Variants in MAST2 observed in about 807,000 individuals in gnomAD.
MAST2 encodes microtubule associated serine/threonine kinase 2.
A neutral mutation model predicts 147.4 loss-of-function variants in MAST2; 70 were observed. The ratio of observed to expected loss-of-function variants is 0.47; its 90% CI spans 0.39 to 0.58. MAST2 has a LOEUF of 0.58. MAST2 is among the 20% of genes least tolerant of loss of function. MAST2 has a pLI of 0.00. For synonymous variants in MAST2, 869 were observed against 896.8 expected, an observed-to-expected ratio of 0.97 and a Z score of 0.55; for missense variants, 2,080 against 2,302.3, an observed-to-expected ratio of 0.90 and a Z score of 1.98.
At chr1:45,850,856 T>A (rs964804235) in intron 3 of MAST2, among the ~76,000 whole-genome samples, 4 of 132,168 alleles carry the variant, frequency 3.0e-5, no homozygotes, top group Admixed American at 2.3e-4. Flanking sequence ...TTTTTTTTTT[T>A]AAACACTGTA....
At chr1:45,945,414 A>AT (rs1557945390) in intron 4 of MAST2, among the ~76,000 whole-genome samples, 1 of 152,266 alleles carries the variant, frequency 6.6e-6, no homozygotes, top group Non-Finnish European at 1.5e-5. Flanking sequence ...AACAACAACC[A>AT]TAAAAATGAC....
At chr1:45,912,483 G>A (rs1651832014) in intron 4 of MAST2, among the ~76,000 whole-genome samples, 2 of 152,150 alleles carry the variant, frequency 1.3e-5, no homozygotes, top group Non-Finnish European at 2.9e-5. Flanking sequence ...TTTAGAAAAT[G>A]TTGATCCTGA....
chr1:46,016,543 A>ATT (rs1305397655), intron 10 of MAST2, among the ~76,000 whole-genome samples: 2 of 152,184 alleles, frequency 1.3e-5, no homozygotes, highest in African/African-American at 4.8e-5. Flanking sequence ...AATAACAGAC[A>ATT]AACAGCCAAA....
At chr1:45,962,845 A>G (rs545332467) in intron 5 of MAST2, among the ~76,000 whole-genome samples, 10 of 152,192 alleles carry the variant, frequency 6.6e-5, no homozygotes, top group African/African-American at 2.2e-4. Context: ...GCTCATGCCT[A>G]TGTCCTGAAT....
intron 7 of MAST2, among the ~76,000 whole-genome samples, chr1:46,003,630 G>T (rs1180863138): frequency 6.6e-6 from 1 of 152,052 alleles, no homozygotes; most frequent in Non-Finnish European, 1.5e-5. Context: ...CCACCACCCT[G>T]TAGCAGGCTA....
intron 3 of MAST2, among the ~76,000 whole-genome samples, chr1:45,830,021 A>G (rs1557812496): frequency 6.7e-6 from 1 of 149,446 alleles, no homozygotes; most frequent in Non-Finnish European, 1.5e-5. Context: ...CCCCTGGCTA[A>G]TTTTTTTGTA....
At chr1:45,966,096 A>C (rs1661153728) in intron 5 of MAST2, among the ~76,000 whole-genome samples, 1 of 152,160 alleles carries the variant, frequency 6.6e-6, no homozygotes, top group African/African-American at 2.4e-5. Flanking sequence ...CTTTTCCAGA[A>C]TGTCATATAG....
chr1:45,988,730 T>C (rs1644746315), intron 5 of MAST2, among the ~76,000 whole-genome samples: 1 of 152,234 alleles, frequency 6.6e-6, no homozygotes, highest in Admixed American at 6.5e-5. Context: ...ATTAATACTT[T>C]AGTTTTTTTG....
chr1:46,002,934 C>G (rs369818781), intron 7 of MAST2, 51 bp downstream of exon 7: 12 of 1,549,356 alleles, frequency 7.7e-6, no homozygotes, highest in Non-Finnish European at 1.1e-5. Context: ...GGAAGTACTT[C>G]CCTTTGGGTT....
chr1:45,885,421 C>T (rs564218820), intron 4 of MAST2, among the ~76,000 whole-genome samples: 5 of 152,272 alleles, frequency 3.3e-5, no homozygotes, highest in East Asian at 1.9e-4. Flanking sequence ...GTGCTTTTCA[C>T]GTAATATGTT....
intron 4 of MAST2, among the ~76,000 whole-genome samples, chr1:45,917,842 A>G (rs1009701115): frequency 6.6e-6 from 1 of 152,222 alleles, no homozygotes; most frequent in Non-Finnish European, 1.5e-5. Context: ...CTTAGGAGGT[A>G]AAAAAGTTCA....
At chr1:46,006,578 T>A (rs1448474180) in intron 8 of MAST2, 183 bp downstream of exon 8, 2 of 429,290 alleles carry the variant, frequency 4.7e-6, no homozygotes, top group African/African-American at 2.0e-5. Context: ...CCACAAATAA[T>A]ATATAAACTT....
intron 4 of MAST2, among the ~76,000 whole-genome samples, chr1:45,927,565 C>A (rs1654590372): frequency 6.6e-6 from 1 of 152,150 alleles, no homozygotes; most frequent in African/African-American, 2.4e-5. Flanking sequence ...TCTGTTCTGC[C>A]TGACTCACCG....
Position 45,975,474 on chromosome 1 carries a change from T to C in MAST2, c.592+15997T>C, listed in dbSNP as rs188573325. Reference sequence around the variant, plus strand: ...AGGAGTTTGAGACTAGCCTAGGCAATATAGTGAGTCCCTGTCTCTCCAAAA... The same window carrying C: ...AGGAGTTTGAGACTAGCCTAGGCAACATAGTGAGTCCCTGTCTCTCCAAAA... On this transcript the variant is annotated intron_variant, in intron 5 of 28. Coordinates refer to ENST00000361297, the MANE Select transcript of MAST2 (RefSeq NM_015112.3). Among the ~76,000 whole-genome samples, 115 of 121,260 alleles carry C rather than the reference T, an allele frequency of 9.5e-4. 2 individuals carry two copies. In the East Asian group the frequency reaches 0.018, roughly 19 times the overall value. The allele number at this position is 121,260 out of a possible 152,430, so 79.6% of individuals were successfully genotyped here.
chr1:45,866,472 A>T (rs1646155804), intron 3 of MAST2, among the ~76,000 whole-genome samples: 2 of 152,266 alleles, frequency 1.3e-5, no homozygotes, highest in South Asian at 4.1e-4. Flanking sequence ...TGCACTGCTT[A>T]TTTATATCTT....
chr1:45,879,975 A>G lies in MAST2; in HGVS notation c.469-2389A>G, dbSNP rs145580598. 1.9e-3 allele frequency among the ~76,000 whole-genome samples: 295 copies of G among 152,338 alleles called. 1 individual carries two copies. The highest frequency in any genetic ancestry group is 6.8e-3 in the African/African-American group (282 of 41,588). On this transcript the variant is annotated intron_variant, in intron 3 of 28. Coordinates refer to ENST00000361297, the MANE Select transcript of MAST2 (RefSeq NM_015112.3). ...AATGTGAACATAACATGTATTAGCTAGGATGTGAAGCAGTTGAAACTCTCA... is the reference window on the plus strand; with the variant it reads ...AATGTGAACATAACATGTATTAGCTGGGATGTGAAGCAGTTGAAACTCTCA...
At chr1:46,001,413 A>C (rs147541195) in intron 6 of MAST2, among the ~76,000 whole-genome samples, 1 of 152,226 alleles carries the variant, frequency 6.6e-6, no homozygotes, top group Non-Finnish European at 1.5e-5. Context: ...GAAAACTCAC[A>C]TGTACAAAAG....
intron 4 of MAST2, among the ~76,000 whole-genome samples, chr1:45,930,592 A>G (rs185594088): frequency 6.6e-6 from 1 of 152,122 alleles, no homozygotes; most frequent in Non-Finnish European, 1.5e-5. Flanking sequence ...AGTAAAAGGG[A>G]TGCTTTTTAT....
At chr1:45,857,850 G>GTTTTTTTTTTTTT (rs35371770) in intron 3 of MAST2, among the ~76,000 whole-genome samples, 1 of 66,572 alleles carries the variant, frequency 1.5e-5, no homozygotes, top group Non-Finnish European at 2.7e-5. Flanking sequence ...AACATGCGGT[G>GTTTTTTTTTTTTT]TTTTTTTTTT....
Sources: gnomAD v4.1 joint callset for allele counts (sites outside exome capture counted in the v4.1 genomes callset) on GRCh38, gnomAD v4.1.1 for gene constraint, MANE v1.5 for transcripts, NCBI Gene and HGNC (gene_info 2026-07-23, HGNC 2026-07-21) for gene names.